Variants in PTCD3 observed in about 807,000 individuals in gnomAD.
PTCD3 encodes the protein small ribosomal subunit protein mS39.
In PTCD3, 89 loss-of-function variants were observed where a neutral mutation model predicts 101.9. That is an observed-to-expected ratio of 0.87 (90% confidence interval 0.74 to 1.04). PTCD3 has a LOEUF of 1.04. PTCD3 is among the 50% of genes least tolerant of loss of function. The pLI, the probability that PTCD3 is intolerant of heterozygous loss-of-function variation, is 0.00. For synonymous variants in PTCD3, 296 were observed against 278.5 expected (o/e 1.06, Z -0.63); for missense variants, 870 against 828.2 (o/e 1.05, Z -0.62).
intron 4 of PTCD3, among the ~76,000 whole-genome samples, chr2:86,114,570 C>T (rs1674147834): frequency 6.6e-6 from 1 of 152,196 alleles, no homozygotes; most frequent in African/African-American, 2.4e-5. Context: ...GAAAGCTTTC[C>T]ACTTGAGAGT....
At chr2:86,126,780 T>C (rs537287703) in intron 12 of PTCD3, among the ~76,000 whole-genome samples, 1 of 150,696 alleles carries the variant, frequency 6.6e-6, no homozygotes, top group African/African-American at 2.4e-5. Context: ...GAGGTTGCAG[T>C]GAGCCAAGAT....
intron 6 of PTCD3, 67 bp downstream of exon 6, chr2:86,117,226 G>T: frequency 1.6e-6 from 1 of 644,960 alleles, no homozygotes; most frequent in Non-Finnish European, 2.8e-6. Context: ...AGGCTTTCAT[G>T]GCTAATATTT....
At chr2:86,129,917 A>G (rs1311060543) in intron 14 of PTCD3, among the ~76,000 whole-genome samples, 1 of 117,444 alleles carries the variant, frequency 8.5e-6, no homozygotes, top group Non-Finnish European at 1.9e-5. Context: ...TTCATGTTAT[A>G]TTTAAGAACT....
intron 23 of PTCD3, 35 bp downstream of exon 23, chr2:86,137,175 G>A (rs1325767158): frequency 1.3e-6 from 2 of 1,532,832 alleles, no homozygotes; most frequent in Non-Finnish European, 1.8e-6. Flanking sequence ...TTTGTAAAAT[G>A]GAGACCTTTC....
intron 8 of PTCD3, among the ~76,000 whole-genome samples, chr2:86,123,234 C>T (rs944108927): frequency 6.7e-6 from 1 of 148,660 alleles, no homozygotes; most frequent in Non-Finnish European, 1.5e-5. Flanking sequence ...TGCATTCCAA[C>T]CTGGGCGAGA....
chr2:86,136,130 C>T (rs1207993130), intron 21 of PTCD3: 4 of 463,202 alleles, frequency 8.6e-6, no homozygotes, highest in Non-Finnish European at 1.7e-5. Context: ...CTTAGAAGGA[C>T]AGTGGTGATC....
intron 21 of PTCD3, chr2:86,135,216 T>C (rs1674565464): frequency 7.2e-6 from 3 of 415,664 alleles, no homozygotes; most frequent in Non-Finnish European, 1.3e-5. Context: ...CTTTCTACTT[T>C]CTGTGTCTAT....
chr2:86,126,211 C>A (rs1432134295), intron 12 of PTCD3, among the ~76,000 whole-genome samples: 1 of 125,690 alleles, frequency 8.0e-6, no homozygotes, highest in Admixed American at 9.4e-5. Context: ...GCCTGGGCAA[C>A]AGAGCAAGAC....
chr2:86,114,916 C>T (rs1456504276), intron 4 of PTCD3, among the ~76,000 whole-genome samples: 1 of 152,210 alleles, frequency 6.6e-6, no homozygotes, highest in African/African-American at 2.4e-5. Context: ...TTAATTCCTC[C>T]ATCAGTGACT....
chr2:86,111,124 C>A lies in PTCD3; in HGVS notation c.206C>A (p.Ala69Asp), dbSNP rs1674074221. The stretch of plus-strand genomic sequence containing the variant: ...GTTCTTATTTTTAGGGATAAAGTAG[C>A]CGTTCTTCAGGCACTTGCATCCACA... The part of the protein sequence containing the change: ...IPKKKTWDKV[A>D]VLQALASTVN... Residue 69 changes from alanine (A) to aspartate (D), a missense_variant, in exon 4 of 24, where the codon GCC becomes GAC. Physicochemically the swap from Ala to Asp is moderately radical, Grantham distance 126. Coordinates refer to ENST00000254630, the MANE Select transcript of PTCD3 (RefSeq NM_017952.6). 6.2e-7 allele frequency: 1 copy of A among 1,613,586 alleles called. No homozygotes were observed. Among genetic ancestry groups the A allele is most frequent in the African/African-American group, 1.3e-5 (1 of 74,968 alleles).
At chr2:86,125,153 C>G in intron 10 of PTCD3, 71 bp downstream of exon 10, 1 of 1,571,606 alleles carries the variant, frequency 6.4e-7, no homozygotes, top group South Asian at 1.2e-5. Context: ...GAACTACTAA[C>G]ATTTTGGGTC....
At position 86,117,002 on chromosome 2, in the gene PTCD3, A is replaced by G. The variant is rs941847507; in HGVS notation, c.310-53A>G. The G allele has an allele frequency of 1.0e-4, 82 of 786,098 alleles. No individual in the cohort carries two copies. The Admixed American group carries it at 1.1e-3, about 11-fold the overall frequency. 48.7% of individuals were successfully genotyped at this position (786,098 alleles called of 1,614,324 possible). A position where few individuals can be genotyped will look rare whatever the true frequency, so the allele number is the denominator to read the frequency against. Reference sequence around the variant, plus strand: ...AGAAATTCTTGCTGAGAGTGTAACTATAATCTTGCTTGAGTTTAAATTACA... The same window carrying G: ...AGAAATTCTTGCTGAGAGTGTAACTGTAATCTTGCTTGAGTTTAAATTACA... On this transcript the variant is annotated intron_variant, in intron 5 of 23. Coordinates refer to ENST00000254630, the MANE Select transcript of PTCD3 (RefSeq NM_017952.6).
At chr2:86,124,550 A>G (rs1284576635) in intron 9 of PTCD3, among the ~76,000 whole-genome samples, 2 of 152,176 alleles carry the variant, frequency 1.3e-5, no homozygotes, top group Non-Finnish European at 2.9e-5. Context: ...ACTTAAACCC[A>G]GGAGGTGGAG....
rs748374666 is a variant in PTCD3 at position 86,134,269 on chromosome 2, C to T, written c.1544-23C>T. ...TTGGTTTTACATAACAATGATCACTCCTTGTTCCTTTCTTGTTTCAAGATA... is the reference window on the plus strand; with the variant it reads ...TTGGTTTTACATAACAATGATCACTTCTTGTTCCTTTCTTGTTTCAAGATA... On this transcript the variant is annotated intron_variant, in intron 19 of 23. Coordinates refer to ENST00000254630, the MANE Select transcript of PTCD3 (RefSeq NM_017952.6). 3.2e-6 allele frequency: 5 copies of T among 1,548,252 alleles called. No individual in the cohort carries two copies. In the East Asian group the frequency reaches 1.1e-4, roughly 35 times the overall value.
At chr2:86,120,156 CTTG>C (rs1394842438) in intron 7 of PTCD3, among the ~76,000 whole-genome samples, 1 of 152,142 alleles carries the variant, frequency 6.6e-6, no homozygotes, top group Non-Finnish European at 1.5e-5. Flanking sequence ...CTTCCCTCTG[CTTG>C]TTAATATGAT....
In PTCD3 at chr2:86,118,905, C is replaced by T. The variant is rs1432825922; in HGVS notation, c.415-16C>T. On this transcript the variant is annotated splice_polypyrimidine_tract_variant and intron_variant, in intron 6 of 23. Transcript: ENST00000254630. The stretch of plus-strand genomic sequence containing the variant: ...TTTACCTGTTTGTAGTAACTTTAGT[C>T]ATCTTGTTTTCCTAGTGTTTAATGC... 1.2e-6 allele frequency: 2 copies of T among 1,607,528 alleles called. No individual in the cohort carries two copies. Among genetic ancestry groups the T allele is most frequent in the Non-Finnish European group, 1.7e-6 (2 of 1,177,900 alleles).
chr2:86,126,248 A>G (rs1674387806), intron 12 of PTCD3, among the ~76,000 whole-genome samples: 1 of 151,264 alleles, frequency 6.6e-6, no homozygotes, highest in Non-Finnish European at 1.5e-5. Flanking sequence ...AAAAAAGAAA[A>G]AGAAACAGAA....
rs1674668062 is a variant in PTCD3 at position 86,140,747 on chromosome 2, A to T, written c.*3188A>T. The T allele has an allele frequency of 6.6e-6, 1 of 152,042 alleles. No individual in the cohort carries two copies. The highest frequency in any genetic ancestry group is 1.5e-5 in the Non-Finnish European group (1 of 68,004). The allele number at this position is 152,042 out of a possible 1,614,324, so 9.4% of individuals were successfully genotyped here. On this transcript the variant is annotated 3_prime_UTR_variant, in exon 24 of 24. Coordinates refer to ENST00000254630, the MANE Select transcript of PTCD3 (RefSeq NM_017952.6). Reference sequence around the variant, plus strand: ...AGATTACACAAAATCTAGGCAGTGAACAAGTCTTCATCCTGGCCCAGGAAA... The same window carrying T: ...AGATTACACAAAATCTAGGCAGTGATCAAGTCTTCATCCTGGCCCAGGAAA...
chr2:86,134,948 C>T lies in PTCD3; in HGVS notation c.1739C>T (p.Ala580Val). The change falls in exon 21 of 24, where the codon GCT (alanine) becomes GTT (valine). Residue 580 changes from alanine (A) to valine (V), a missense_variant. Physicochemically the swap from Ala to Val is moderately conservative, Grantham distance 64. Transcript: ENST00000254630. ...DWPATSLNCI[A>V]ILFLRAGRTQ... ...CCAGCCACCTCTCTCAACTGTATAG[C>T]TATCCTCTTTTTAAGGGCTGGGAGA... 1 of 1,614,146 alleles carries T rather than the reference C, an allele frequency of 6.2e-7. No individual in the cohort carries two copies. Among genetic ancestry groups the T allele is most frequent in the South Asian group, 1.1e-5 (1 of 91,078 alleles).
Sources: gnomAD v4.1 joint callset for allele counts (sites outside exome capture counted in the v4.1 genomes callset) on GRCh38, gnomAD v4.1.1 for gene constraint, MANE v1.5 for transcripts, NCBI Gene and HGNC (gene_info 2026-07-23, HGNC 2026-07-21) for gene names.